Variants in SMARCC1 observed in about 807,000 individuals in gnomAD.
The protein encoded by SMARCC1 is SWI/SNF complex subunit SMARCC1.
A neutral mutation model predicts 147.4 loss-of-function variants in SMARCC1; 43 were observed. The ratio of observed to expected loss-of-function variants is 0.29; its 90% confidence interval spans 0.23 to 0.38. SMARCC1 has a LOEUF of 0.38. Ranked by LOEUF, SMARCC1 falls within the 10% of genes least tolerant of loss-of-function variation. The pLI is 1.00. For synonymous variants in SMARCC1, 495 were observed against 484.4 expected, an observed-to-expected ratio of 1.02 and a Z score of -0.29; for missense variants, 1,119 against 1,381.1, an observed-to-expected ratio of 0.81 and a Z score of 3.01.
intron 21 of SMARCC1, among the ~76,000 whole-genome samples, chr3:47,643,084 AT>A (rs1234130849): frequency 6.6e-6 from 1 of 152,132 alleles, no homozygotes; most frequent in Non-Finnish European, 1.5e-5. Flanking sequence ...ATTTCCTAAA[AT>A]GTTGTTACTC....
At chr3:47,675,386 C>A in intron 18 of SMARCC1, 89 bp downstream of exon 18, 16 of 591,786 alleles carry the variant, frequency 2.7e-5, no homozygotes, top group Middle Eastern at 4.1e-4. Flanking sequence ...TTAAAAATAC[C>A]ATCAGATTTG....
intron 5 of SMARCC1, among the ~76,000 whole-genome samples, chr3:47,732,559 A>C (rs371766530): frequency 2.6e-5 from 4 of 152,064 alleles, no homozygotes; most frequent in African/African-American, 4.8e-5. Context: ...GAGATAAGCA[A>C]CTCTTCCTTT....
intron 11 of SMARCC1, among the ~76,000 whole-genome samples, chr3:47,699,908 G>A (rs1448692840): frequency 6.6e-6 from 1 of 151,224 alleles, no homozygotes; most frequent in Non-Finnish European, 1.5e-5. Context: ...GTTTTCCTAG[G>A]CTTTTTTTTA....
rs1023331185 is a variant in SMARCC1, at chr3:47,617,296, A to G, written c.2781+4911T>C. Among the ~76,000 whole-genome samples the G allele has an allele frequency of 4.6e-5, 7 of 152,246 alleles. No homozygotes were observed. The East Asian group carries it at 7.7e-4, about 17-fold the overall frequency. On this transcript the variant is annotated intron_variant, in intron 25 of 27. Coordinates refer to ENST00000254480, the MANE Select transcript of SMARCC1 (RefSeq NM_003074.4). ...AAGAAGTGGCTTATGCTGTCATCCA[A>G]CATCACTGCTGGATTCTTGAATAAG...
At chr3:47,730,971 G>A (rs1391446944) in intron 5 of SMARCC1, among the ~76,000 whole-genome samples, 1 of 152,120 alleles carries the variant, frequency 6.6e-6, no homozygotes, top group African/African-American at 2.4e-5. Flanking sequence ...ACTGATCAAG[G>A]TGGTGGTTGC....
At chr3:47,771,998 G>A (rs1357000537) in intron 2 of SMARCC1, among the ~76,000 whole-genome samples, 2 of 151,864 alleles carry the variant, frequency 1.3e-5, no homozygotes, top group East Asian at 1.9e-4. Flanking sequence ...CACAAGAATC[G>A]CTGCAGGTTG....
rs77979226 is a variant in SMARCC1 at position 47,729,134 on chromosome 3, A to G, written c.577-40T>C. ...AACAAAAACCACAAAAATAAAGCAC[A>G]TGGCAATGAACTATGAGATTCCAGA... On this transcript the variant is annotated intron_variant, in intron 5 of 27. Coordinates refer to ENST00000254480, the MANE Select transcript of SMARCC1 (RefSeq NM_003074.4). 1.3e-4 allele frequency: 178 copies of G among 1,324,458 alleles called. No homozygotes were observed. In the East Asian group the frequency reaches 3.9e-3, roughly 29 times the overall value. The allele number at this position is 1,324,458 out of a possible 1,614,324, so 82.0% of individuals were successfully genotyped here.
At chr3:47,749,577 G>A (rs964013086) in intron 2 of SMARCC1, among the ~76,000 whole-genome samples, 9 of 148,764 alleles carry the variant, frequency 6.0e-5, no homozygotes, top group African/African-American at 2.2e-4. Context: ...TGAGGTAAAT[G>A]GATTGCTTGA....
At chr3:47,627,607 G>A (rs911727911) in intron 24 of SMARCC1, among the ~76,000 whole-genome samples, 3 of 152,080 alleles carry the variant, frequency 2.0e-5, no homozygotes, top group African/African-American at 7.2e-5. Context: ...ATGACCTCAG[G>A]GTAAAGAGCT....
chr3:47,685,917 C>G, intron 14 of SMARCC1, 132 bp downstream of exon 14: 1 of 662,912 alleles, frequency 1.5e-6, no homozygotes, highest in Admixed American at 2.5e-5. Context: ...ATAAAAATCA[C>G]TCTCCATCTC....
chr3:47,672,709 T>G (rs1261603114), intron 18 of SMARCC1, among the ~76,000 whole-genome samples: 1 of 152,134 alleles, frequency 6.6e-6, no homozygotes, highest in Non-Finnish European at 1.5e-5. Context: ...CAACAACCAT[T>G]TCTCCACTTC....
intron 21 of SMARCC1, among the ~76,000 whole-genome samples, chr3:47,645,721 C>T (rs1157547116): frequency 1.3e-5 from 2 of 152,158 alleles, no homozygotes; most frequent in Non-Finnish European, 2.9e-5. Context: ...TTTTGTCTCG[C>T]AAAGATATCT....
At chr3:47,623,176 T>TAAA (rs35509187) in intron 24 of SMARCC1, among the ~76,000 whole-genome samples, 1 of 100,136 alleles carries the variant, frequency 1.0e-5, no homozygotes, top group African/African-American at 4.0e-5. Flanking sequence ...GGGTTCTTCA[T>TAAA]AAAAAAAAAA....
intron 14 of SMARCC1, among the ~76,000 whole-genome samples, chr3:47,683,199 C>T (rs946306054): frequency 2.6e-5 from 4 of 152,056 alleles, no homozygotes; most frequent in Admixed American, 1.3e-4. Context: ...CCCGCCACCA[C>T]GCCCGGCTCA....
chr3:47,650,069 G>T (rs756105817), intron 21 of SMARCC1, among the ~76,000 whole-genome samples: 2 of 151,944 alleles, frequency 1.3e-5, no homozygotes, highest in Non-Finnish European at 1.5e-5. Flanking sequence ...GAGGTCAGGA[G>T]ATCGAGATCA....
chr3:47,637,959 T>C (rs908296384), intron 22 of SMARCC1, among the ~76,000 whole-genome samples: 1 of 152,214 alleles, frequency 6.6e-6, no homozygotes, highest in Non-Finnish European at 1.5e-5. Context: ...TCATATGTCA[T>C]CTTCTCATTC....
At chr3:47,629,377 TG>T (rs759230144) in intron 24 of SMARCC1, among the ~76,000 whole-genome samples, 75 of 152,044 alleles carry the variant, frequency 4.9e-4, no homozygotes, top group Non-Finnish European at 1.0e-4. Flanking sequence ...TATTTTTCAG[TG>T]GGGGAAAGGT....
intron 10 of SMARCC1, among the ~76,000 whole-genome samples, chr3:47,705,579 G>A (rs2033982596): frequency 6.6e-6 from 1 of 152,118 alleles, no homozygotes; most frequent in East Asian, 1.9e-4. Flanking sequence ...TTCAAGGCAT[G>A]TTCTGGGAAC....
intron 19 of SMARCC1, among the ~76,000 whole-genome samples, chr3:47,666,811 G>C (rs535491265): frequency 1.2e-4 from 18 of 152,268 alleles, no homozygotes; most frequent in African/African-American, 3.8e-4. Context: ...GGAAGCCAAA[G>C]ATTGGACATC....
Sources: allele counts gnomAD v4.1 joint callset (sites outside exome capture counted in the v4.1 genomes callset), GRCh38; gene constraint gnomAD v4.1.1; transcripts MANE v1.5; gene names NCBI Gene and HGNC (gene_info 2026-07-23, HGNC 2026-07-21).